Variants in SCN8A observed in about 807,000 individuals in gnomAD.
SCN8A encodes sodium channel protein type 8 subunit alpha.
SCN8A carries 30 observed loss-of-function variants against 184.1 expected under a neutral mutation model. The ratio of observed to expected loss-of-function variants is 0.16; its 90% CI spans 0.12 to 0.22. The LOEUF (loss-of-function observed/expected upper bound fraction) is 0.22, where lower values mean the gene tolerates loss of function less well. Ranked by LOEUF, SCN8A falls within the 10% of genes least tolerant of loss-of-function variation. The pLI is 1.00. For synonymous variants in SCN8A, 852 were observed against 907.0 expected (o/e 0.94, Z 1.09); for missense variants, 1,057 against 2,498.9 (o/e 0.42, Z 12.30).
intron 1 of SCN8A, among the ~76,000 whole-genome samples, chr12:51,633,392 T>TA (rs1940242680): frequency 3.9e-5 from 6 of 152,212 alleles, no homozygotes; most frequent in Admixed American, 3.9e-4. Flanking sequence ...GGATGGCCAA[T>TA]AAAAAATGTC....
rs756678417 is a variant in SCN8A, at chr12:51,807,376, G to A, written c.5890G>A (p.Gly1964Arg). ...GGAGAAACAGCAGCGGGCAGAGGAA[G>A]GAAGAAGGGAAAGAGCCAAAAGACA... ...EKEKQQRAEE[G>R]RRERAKRQKE... is the part of the protein sequence containing the mutation. The change falls in exon 27 of 27, where the codon GGA becomes AGA. Residue 1964 changes from glycine to arginine, a missense_variant. Transcript: ENST00000627620. This position sits in a 1 kb window ranked among gnomAD's most constrained non-coding sequence, Gnocchi z 4.5. The A allele has an allele frequency of 2.1e-5, 34 of 1,613,300 alleles. No homozygotes were observed. Among genetic ancestry groups the A allele is most frequent in the Non-Finnish European group, 2.7e-5 (32 of 1,179,606 alleles).
intron 24 of SCN8A, 63 bp from the exon 25 acceptor site, chr12:51,790,335 G>C (rs1360691596): frequency 8.4e-7 from 1 of 1,196,490 alleles, no homozygotes; most frequent in Non-Finnish European, 1.2e-6. Flanking sequence ...TGAACCTTAG[G>C]TCCAAACCCA....
At chr12:51,734,752 C>T (rs754436762) in intron 12 of SCN8A, among the ~76,000 whole-genome samples, 11 of 152,210 alleles carry the variant, frequency 7.2e-5, no homozygotes, top group African/African-American at 1.4e-4. Context: ...AAAGCAAGGG[C>T]GGCTTTGTCA....
At chr12:51,794,932 CAG>C (rs1431669867) in intron 26 of SCN8A, among the ~76,000 whole-genome samples, 32 of 151,836 alleles carry the variant, frequency 2.1e-4, no homozygotes, top group African/African-American at 6.8e-4. Context: ...TAAAGTCTAA[CAG>C]GGAAGGTAAA....
intron 26 of SCN8A, among the ~76,000 whole-genome samples, chr12:51,804,080 A>G (rs1040514785): frequency 6.6e-6 from 1 of 152,188 alleles, no homozygotes; most frequent in Non-Finnish European, 1.5e-5. Context: ...CGAAGAGAAC[A>G]TGTCAGTGCC....
chr12:51,776,370 C>G (rs2138882704), intron 20 of SCN8A, among the ~76,000 whole-genome samples: 1 of 152,336 alleles, frequency 6.6e-6, no homozygotes, highest in Admixed American at 6.5e-5. Context: ...ATAAGCTCCT[C>G]TAGCTTTTGG....
chr12:51,591,687 G>A (rs544806752), intron 1 of SCN8A, among the ~76,000 whole-genome samples: 2 of 152,262 alleles, frequency 1.3e-5, no homozygotes, highest in East Asian at 3.9e-4. Flanking sequence ...CCGCGGTGCA[G>A]CCCTCCATCC....
chr12:51,773,117 C>CA (rs555971067), intron 19 of SCN8A, among the ~76,000 whole-genome samples: 1,701 of 134,356 alleles, frequency 0.013, 14 homozygotes, highest in Admixed American at 0.02. Flanking sequence ...ACTCCGTCTC[C>CA]AAAAAAAAAA....
chr12:51,686,002 C>G (rs1177307197), intron 3 of SCN8A, among the ~76,000 whole-genome samples: 1 of 152,166 alleles, frequency 6.6e-6, no homozygotes, highest in Non-Finnish European at 1.5e-5. Flanking sequence ...ATTTTCTTAT[C>G]TGACAACTTT....
At chr12:51,598,510 A>G (rs1048112457) in intron 1 of SCN8A, among the ~76,000 whole-genome samples, 2 of 152,182 alleles carry the variant, frequency 1.3e-5, no homozygotes, top group Non-Finnish European at 1.5e-5. Context: ...TATGGAAAAA[A>G]ATGTAATATT....
At chr12:51,640,718 G>A (rs1453010595) in intron 1 of SCN8A, among the ~76,000 whole-genome samples, 1 of 152,176 alleles carries the variant, frequency 6.6e-6, no homozygotes, top group Non-Finnish European at 1.5e-5. Flanking sequence ...TGAGGAGAAA[G>A]GAGCCATGGC....
chr12:51,779,609 G>T (rs1242346492), intron 20 of SCN8A, among the ~76,000 whole-genome samples: 1 of 152,218 alleles, frequency 6.6e-6, no homozygotes, highest in Non-Finnish European at 1.5e-5. Flanking sequence ...TGGGAGTCAG[G>T]CAGTGGAGGT....
intron 1 of SCN8A, among the ~76,000 whole-genome samples, chr12:51,634,656 A>ATTATTT (rs1555210870): frequency 1.5e-5 from 2 of 136,652 alleles, no homozygotes; most frequent in African/African-American, 5.5e-5. Context: ...TATTATTATT[A>ATTATTT]TTTTTTTTTT....
intron 1 of SCN8A, among the ~76,000 whole-genome samples, chr12:51,622,153 A>G (rs1031726553): frequency 2.0e-5 from 3 of 152,220 alleles, no homozygotes. Flanking sequence ...GATTTTTTAA[A>G]ATCAACTTTT....
At chr12:51,633,695 T>C (rs563353205) in intron 1 of SCN8A, among the ~76,000 whole-genome samples, 1 of 152,332 alleles carries the variant, frequency 6.6e-6, no homozygotes, top group South Asian at 2.1e-4. Flanking sequence ...TGTACCACTG[T>C]GTGTCTGTTC....
chr12:51,606,900 A>T (rs971298112), intron 1 of SCN8A, among the ~76,000 whole-genome samples: 11 of 149,338 alleles, frequency 7.4e-5, no homozygotes, highest in African/African-American at 2.7e-4. Flanking sequence ...ATATTTATTT[A>T]TTTATTTTTT....
chr12:51,650,170 C>G (rs1012481602), intron 1 of SCN8A, among the ~76,000 whole-genome samples: 1 of 152,180 alleles, frequency 6.6e-6, no homozygotes, highest in Non-Finnish European at 1.5e-5. Flanking sequence ...CCACCTCAGC[C>G]TGGACCTTAT....
chr12:51,779,861 C>T (rs1937839191), intron 20 of SCN8A, among the ~76,000 whole-genome samples: 1 of 152,122 alleles, frequency 6.6e-6, no homozygotes, highest in Admixed American at 6.5e-5. Context: ...CAGACTCACC[C>T]AAGTTCTTGT....
intron 2 of SCN8A, among the ~76,000 whole-genome samples, chr12:51,673,621 A>T (rs1941170814): frequency 6.6e-6 from 1 of 152,242 alleles, no homozygotes; most frequent in Non-Finnish European, 1.5e-5. Flanking sequence ...GTATTTCTTT[A>T]TGAAAGAAGA....
Sources: allele counts gnomAD v4.1 joint callset (sites outside exome capture counted in the v4.1 genomes callset), GRCh38; gene constraint gnomAD v4.1.1; non-coding constraint Gnocchi (gnomAD v3.1); transcripts MANE v1.5; gene names NCBI Gene and HGNC (gene_info 2026-07-23, HGNC 2026-07-21).